Variants in SCFD2 observed in about 807,000 individuals in gnomAD.
The protein encoded by SCFD2 is sec1 family domain containing 2.
Under a neutral mutation model 58.9 loss-of-function variants are expected in SCFD2, and 54 were observed. The observed-to-expected ratio is 0.92, with a 90% CI of 0.74 to 1.15. SCFD2 has a LOEUF of 1.15. Among genes scored for constraint, SCFD2 ranks in the 50% most tolerant of loss-of-function variants. The pLI is 0.00. For synonymous variants in SCFD2, 321 were observed against 335.9 expected (o/e 0.96, Z 0.49); for missense variants, 805 against 836.6 (o/e 0.96, Z 0.47).
intron 7 of SCFD2, among the ~76,000 whole-genome samples, chr4:52,905,121 T>C (rs1001399013): frequency 6.6e-6 from 1 of 152,240 alleles, no homozygotes; most frequent in Non-Finnish European, 1.5e-5. Flanking sequence ...TAAATGGTTA[T>C]AACCATGTTA....
intron 4 of SCFD2, among the ~76,000 whole-genome samples, chr4:53,248,082 C>T (rs548640832): frequency 7.2e-5 from 11 of 152,088 alleles, no homozygotes; most frequent in Non-Finnish European, 1.2e-4. Context: ...ATGCGCCACC[C>T]GAAGCAGGGC....
At chr4:53,074,657 T>C (rs1723918525) in intron 5 of SCFD2, among the ~76,000 whole-genome samples, 1 of 152,210 alleles carries the variant, frequency 6.6e-6, no homozygotes, top group Non-Finnish European at 1.5e-5. Flanking sequence ...AACATTCATC[T>C]CCTTGTACAT....
At chr4:53,363,133 T>C (rs1578006250) in intron 1 of SCFD2, among the ~76,000 whole-genome samples, 1 of 150,172 alleles carries the variant, frequency 6.7e-6, no homozygotes, top group East Asian at 2.0e-4. Flanking sequence ...TCATTCTTTT[T>C]TTCTTTTTTT....
At chr4:52,942,535 G>A (rs1720319352) in intron 5 of SCFD2, among the ~76,000 whole-genome samples, 1 of 152,156 alleles carries the variant, frequency 6.6e-6, no homozygotes, top group African/African-American at 2.4e-5. Context: ...GGGGGCCTGA[G>A]CAAATTACCT....
intron 4 of SCFD2, among the ~76,000 whole-genome samples, chr4:53,201,028 TTTA>T (rs1190405910): frequency 8.6e-5 from 13 of 151,926 alleles, no homozygotes; most frequent in Non-Finnish European, 1.6e-4. Context: ...TTTAAAAAAT[TTTA>T]TTATTATTAT....
At chr4:52,946,911 C>G (rs1720445251) in intron 5 of SCFD2, among the ~76,000 whole-genome samples, 1 of 152,116 alleles carries the variant, frequency 6.6e-6, no homozygotes, top group South Asian at 2.1e-4. Flanking sequence ...GGCATGTCAA[C>G]CTCAGCAGGC....
At chr4:52,991,654 TG>T (rs1232025061) in intron 5 of SCFD2, among the ~76,000 whole-genome samples, 1 of 152,156 alleles carries the variant, frequency 6.6e-6, no homozygotes, top group African/African-American at 2.4e-5. Context: ...ATCCTCAAGA[TG>T]ACTTGACATT....
chr4:53,244,265 C>G (rs1265543018), intron 4 of SCFD2, among the ~76,000 whole-genome samples: 1 of 152,070 alleles, frequency 6.6e-6, no homozygotes, highest in Non-Finnish European at 1.5e-5. Flanking sequence ...AACTCTCCAC[C>G]CCAAAACAAC....
At chr4:52,999,065 T>C (rs961745809) in intron 5 of SCFD2, among the ~76,000 whole-genome samples, 1 of 152,186 alleles carries the variant, frequency 6.6e-6, no homozygotes, top group Non-Finnish European at 1.5e-5. Flanking sequence ...GGTTAATACA[T>C]GGAGTTGACT....
rs116639652 is a variant in SCFD2, at chr4:53,269,346, T to C, written c.1311+4480A>G. ...CTCAAAAAAATTTAAAAAAGAACTATGAAAGTAATATGAGCTCATAGTTTT... is the reference window on the plus strand; with the variant it reads ...CTCAAAAAAATTTAAAAAAGAACTACGAAAGTAATATGAGCTCATAGTTTT... On this transcript the variant is annotated intron_variant, in intron 4 of 8. Coordinates refer to ENST00000401642, the MANE Select transcript of SCFD2 (RefSeq NM_152540.4). Among the ~76,000 whole-genome samples the C allele has an allele frequency of 8.5e-3, 1,296 of 151,796 alleles. 12 individuals are homozygous for C. The highest frequency in any genetic ancestry group is 0.03 in the African/African-American group (1,233 of 41,366).
chr4:52,995,579 T>C (rs1721726277), intron 5 of SCFD2, among the ~76,000 whole-genome samples: 1 of 152,226 alleles, frequency 6.6e-6, no homozygotes, highest in South Asian at 2.1e-4. Context: ...GTAAGAGAAA[T>C]AAAGATTATG....
chr4:53,060,647 C>T (rs187518077), intron 5 of SCFD2, among the ~76,000 whole-genome samples: 2 of 152,122 alleles, frequency 1.3e-5, no homozygotes, highest in Admixed American at 1.3e-4. Context: ...TACCTATCTT[C>T]TATTTAATGA....
chr4:53,224,388 CAAA>C (rs144809985), intron 4 of SCFD2, among the ~76,000 whole-genome samples: 2 of 15,598 alleles, frequency 1.3e-4, no homozygotes, highest in Non-Finnish European at 1.2e-4. Flanking sequence ...GACTCCGTCT[CAAA>C]AAAAAAAAAA....
chr4:52,978,849 C>T lies in SCFD2; in HGVS notation c.1562-57979G>A, dbSNP rs183079809. 4.6e-5 allele frequency among the ~76,000 whole-genome samples: 7 copies of T among 151,748 alleles called. No individual in the cohort carries two copies. The East Asian group carries it at 1.4e-3, about 29-fold the overall frequency. On this transcript the variant is annotated intron_variant, in intron 5 of 8. Transcript: ENST00000401642. ...AATGTGGCATATTTGATAAGTATCA[C>T]ATATAAGGTAAAGCAGGGAAAAAAA...
intron 5 of SCFD2, among the ~76,000 whole-genome samples, chr4:53,097,578 T>C (rs1724692877): frequency 6.6e-6 from 1 of 152,224 alleles, no homozygotes; most frequent in African/African-American, 2.4e-5. Context: ...ATCCTGAGAC[T>C]TTGCTGAAGT....
intron 7 of SCFD2, among the ~76,000 whole-genome samples, chr4:52,906,575 G>T (rs1286419987): frequency 6.6e-6 from 1 of 152,178 alleles, no homozygotes; most frequent in Non-Finnish European, 1.5e-5. Flanking sequence ...TGAAAATTGG[G>T]AACAGCAGGA....
Position 52,885,758 on chromosome 4 carries a change from G to C in SCFD2, c.1951C>G (p.Pro651Ala), listed in dbSNP as rs1478311864. 1 of 1,613,836 alleles carries C rather than the reference G, an allele frequency of 6.2e-7. No homozygotes were observed. The highest frequency in any genetic ancestry group is 1.3e-5 in the African/African-American group (1 of 74,906). Residue 651 changes from proline (P) to alanine (A), a missense_variant, in exon 8 of 9, where the codon CCA becomes GCA. Pro to Ala is a conservative substitution (Grantham distance 27). This residue lies in a region of SCFD2 where 633 missense variants were observed against 646.8 expected (regional missense o/e 0.98). Transcript: ENST00000401642. ...MVKDLVASLK[P>A]GTQVIVLSTR... ...GGAGGACTCAGTACCTGGGTTCCTG[G>C]CTTCAACGATGCCACAAGATCTTTG...
chr4:52,948,539 A>T (rs1459776209), intron 5 of SCFD2: 1 of 456,408 alleles, frequency 2.2e-6, no homozygotes, highest in African/African-American at 2.0e-5. Context: ...TAATCTGTAC[A>T]GAACTAAACA....
At chr4:53,262,382 G>T (rs1730855247) in intron 4 of SCFD2, among the ~76,000 whole-genome samples, 1 of 151,896 alleles carries the variant, frequency 6.6e-6, no homozygotes, top group Non-Finnish European at 1.5e-5. Flanking sequence ...GTTCTATTTT[G>T]GTGTATCACA....
Sources: gnomAD v4.1 joint callset for allele counts (sites outside exome capture counted in the v4.1 genomes callset) on GRCh38, gnomAD v4.1.1 for gene constraint, gnomAD v4.1.1 regional missense constraint, MANE v1.5 for transcripts, NCBI Gene and HGNC (gene_info 2026-07-23, HGNC 2026-07-21) for gene names.